The following VANGL1 variants were observed in gnomAD, a reference collection of about 807,000 sequenced individuals.
VANGL1 encodes the protein VANGL planar cell polarity protein 1.
In VANGL1, 18 loss-of-function variants were observed where a neutral mutation model predicts 48.4. The observed-to-expected ratio is 0.37, with a 90% CI of 0.26 to 0.55. The LOEUF is 0.55. VANGL1 is among the 20% of genes least tolerant of loss of function. The probability of loss-of-function intolerance (pLI) is 0.81; values close to 1 mark genes in which losing one functional copy is unlikely to be tolerated. For missense variants in VANGL1, 667 were observed against 675.8 expected (o/e 0.99, Z 0.14); for synonymous variants, 257 against 261.8 (o/e 0.98, Z 0.18).
chr1:115,657,961 C>T (rs187379954), intron 2 of VANGL1, among the ~76,000 whole-genome samples: 4 of 152,182 alleles, frequency 2.6e-5, no homozygotes, highest in African/African-American at 7.2e-5. Flanking sequence ...CCCAAGAACT[C>T]ACTCACTATC....
chr1:115,661,765 G>A (rs1403486611), intron 3 of VANGL1, among the ~76,000 whole-genome samples: 1 of 151,890 alleles, frequency 6.6e-6, no homozygotes, highest in African/African-American at 2.4e-5. Context: ...TTACAGGCAC[G>A]CACCACCACG....
At position 115,696,861 on chromosome 1, in the gene VANGL1, A is replaced by G. The variant is rs1654050464; in HGVS notation, c.*5482A>G. The G allele has an allele frequency of 6.6e-6, 1 of 152,220 alleles. No individual in the cohort carries two copies. The highest frequency in any genetic ancestry group is 6.5e-5 in the Admixed American group (1 of 15,286). The allele number at this position is 152,220 out of a possible 1,614,324, so 9.4% of individuals were successfully genotyped here. On this transcript the variant is annotated 3_prime_UTR_variant, in exon 8 of 8. Transcript: ENST00000355485. ...AACATCAGCGTTTTGTCCTTGTCAT[A>G]GTGGAAGAAAGACACTTACTTTAAG...
chr1:115,664,072 G>T lies in VANGL1; in HGVS notation c.616G>T (p.Val206Phe). 1 of 1,614,104 alleles carries T rather than the reference G, an allele frequency of 6.2e-7. No individual in the cohort carries two copies. The highest frequency in any genetic ancestry group is 8.5e-7 in the Non-Finnish European group (1 of 1,180,026). ...FVVSYWLFYG[V>F]RILDSRDRNY... ...GGTTTCCTATTGGCTTTTTTACGGG[G>T]TCCGCATTTTGGACTCTCGGGACCG... The change falls in exon 4 of 8, where the codon GTC (valine) becomes TTC (phenylalanine). Residue 206 changes from valine to phenylalanine, a missense_variant. Physicochemically the swap from Val to Phe is conservative, Grantham distance 50. Coordinates refer to ENST00000355485, the MANE Select transcript of VANGL1 (RefSeq NM_138959.3).
rs188166372 is a variant in VANGL1, at chr1:115,684,294, A to G, written c.1079+218A>G. 5.6e-3 allele frequency among the ~76,000 whole-genome samples: 855 copies of G among 151,752 alleles called. 6 individuals are homozygous for G. The highest frequency in any genetic ancestry group is 6.7e-3 in the Non-Finnish European group (456 of 67,938). On this transcript the variant is annotated intron_variant, in intron 6 of 7. Coordinates refer to ENST00000355485, the MANE Select transcript of VANGL1 (RefSeq NM_138959.3). ...GCTGCGATCACAGGCGCCCACCACCACGCCCGGCTAATATTTGGTATTTTT... is the reference window on the plus strand; with the variant it reads ...GCTGCGATCACAGGCGCCCACCACCGCGCCCGGCTAATATTTGGTATTTTT...
intron 1 of VANGL1, among the ~76,000 whole-genome samples, chr1:115,645,626 G>C (rs1365565160): frequency 1.3e-5 from 2 of 152,164 alleles, no homozygotes; most frequent in Non-Finnish European, 2.9e-5. Flanking sequence ...TAGAAGAATA[G>C]TTGACTCTAA....
chr1:115,649,640 C>T (rs971261633), intron 1 of VANGL1, among the ~76,000 whole-genome samples: 2 of 152,210 alleles, frequency 1.3e-5, no homozygotes, highest in African/African-American at 4.8e-5. Flanking sequence ...TTGGTCTTCA[C>T]GGCAACCCTG....
chr1:115,653,719 A>G lies in VANGL1; in HGVS notation c.71+2235A>G, dbSNP rs565186688. 1.2e-4 allele frequency among the ~76,000 whole-genome samples: 19 copies of G among 152,342 alleles called. No homozygotes were observed. The South Asian group carries it at 3.9e-3, about 32-fold the overall frequency. ...GTAACTTTAAGAGACTGTAACTTCCAATTAAAACAACACGCAGAATTTTTA... is the reference window on the plus strand; with the variant it reads ...GTAACTTTAAGAGACTGTAACTTCCGATTAAAACAACACGCAGAATTTTTA... On this transcript the variant is annotated intron_variant, in intron 2 of 7. Coordinates refer to ENST00000355485, the MANE Select transcript of VANGL1 (RefSeq NM_138959.3).
chr1:115,684,127 AT>A (rs1203530733), intron 6 of VANGL1, 51 bp downstream of exon 6: 3 of 1,396,514 alleles, frequency 2.1e-6, no homozygotes, highest in South Asian at 1.4e-5. Context: ...TTAAATTTTT[AT>A]TTTATTTATT....
At chr1:115,689,999 A>G (rs1283678925) in intron 7 of VANGL1, among the ~76,000 whole-genome samples, 1 of 138,976 alleles carries the variant, frequency 7.2e-6, no homozygotes, top group African/African-American at 2.7e-5. Flanking sequence ...GACCTGATTG[A>G]TATATCCCAG....
intron 7 of VANGL1, among the ~76,000 whole-genome samples, chr1:115,686,264 A>G (rs1200647272): frequency 1.3e-5 from 2 of 149,902 alleles, no homozygotes; most frequent in East Asian, 2.0e-4. Context: ...AAATAGCTCT[A>G]TTTATTGGTA....
intron 1 of VANGL1, among the ~76,000 whole-genome samples, chr1:115,645,649 C>T (rs1386211419): frequency 6.6e-6 from 1 of 152,128 alleles, no homozygotes; most frequent in Non-Finnish European, 1.5e-5. Context: ...AAAATTATTT[C>T]AATTGTCACT....
chr1:115,694,902 T>C lies in VANGL1; in HGVS notation c.*3523T>C, dbSNP rs1376293014. ...GTGTATATAGCTGAGTGTGTGAGGG[T>C]GTCTGTGTTTCTGCAGTCCCCTGTG... On this transcript the variant is annotated 3_prime_UTR_variant, in exon 8 of 8. Transcript: ENST00000355485. 2.0e-5 allele frequency: 3 copies of C among 152,146 alleles called. No homozygotes were observed. Among genetic ancestry groups the C allele is most frequent in the Non-Finnish European group, 4.4e-5 (3 of 68,044 alleles). 9.4% of individuals were successfully genotyped at this position (152,146 alleles called of 1,614,324 possible).
chr1:115,677,025 G>C (rs557447385), intron 4 of VANGL1, among the ~76,000 whole-genome samples: 1 of 152,374 alleles, frequency 6.6e-6, no homozygotes, highest in African/African-American at 2.4e-5. Context: ...TCTGGGGCCA[G>C]AGTCTGCACC....
At position 115,663,666 on chromosome 1, in the gene VANGL1, C is replaced by T. The variant is rs1350727101; in HGVS notation, c.210C>T (p.Asp70=). 2 of 1,614,154 alleles carry T rather than the reference C, an allele frequency of 1.2e-6. No homozygotes were observed. Among genetic ancestry groups the T allele is most frequent in the Non-Finnish European group, 1.7e-6 (2 of 1,180,030 alleles). ...CACTGTCTTCTCCCCACCAGGATGA[C>T]AACTGGGGAGAGACCACCACGGCCA... ...DSTRTEEVQD[D]NWGETTTAIT... The change falls in exon 4 of 8, where the codon GAC becomes GAT. Residue 70 remains aspartate (D), a synonymous_variant. Transcript: ENST00000355485.
intron 2 of VANGL1, among the ~76,000 whole-genome samples, chr1:115,655,879 T>C (rs1207170409): frequency 1.3e-5 from 2 of 152,234 alleles, no homozygotes; most frequent in Non-Finnish European, 2.9e-5. Flanking sequence ...TGACCCGCAG[T>C]TCTGCAGACT....
chr1:115,672,174 C>T (rs1267428871), intron 4 of VANGL1, among the ~76,000 whole-genome samples: 2 of 152,178 alleles, frequency 1.3e-5, no homozygotes, highest in East Asian at 3.8e-4. Context: ...GTCCTGCACA[C>T]TGCACTTTGG....
In VANGL1 at chr1:115,650,626, C is replaced by A. The variant is rs547172505; in HGVS notation, c.-137-651C>A. Among the ~76,000 whole-genome samples the A allele has an allele frequency of 1.4e-4, 21 of 152,096 alleles. No homozygotes were observed. The South Asian group carries it at 4.4e-3, about 32-fold the overall frequency. On this transcript the variant is annotated intron_variant, in intron 1 of 7. Coordinates refer to ENST00000355485, the MANE Select transcript of VANGL1 (RefSeq NM_138959.3). ...ATTCATCATTATAAGAGTTTCTATT[C>A]TTTATAATGATCATTTTAAACATAT...
rs1653921083 is a variant in VANGL1, at chr1:115,693,418, C to T, written c.*2039C>T. 6.6e-6 allele frequency: 1 copy of T among 152,630 alleles called. No homozygotes were observed. The highest frequency in any genetic ancestry group is 2.4e-5 in the African/African-American group (1 of 41,458). The allele number at this position is 152,630 out of a possible 1,614,324, so 9.5% of individuals were successfully genotyped here. On this transcript the variant is annotated 3_prime_UTR_variant, in exon 8 of 8. Coordinates refer to ENST00000355485, the MANE Select transcript of VANGL1 (RefSeq NM_138959.3). The stretch of plus-strand genomic sequence containing the variant: ...TTCATCACCATTCTAAAATACTGTT[C>T]TTCCAACCCTATCTTCAATGACCAG...
At chr1:115,660,910 G>T (rs1011954196) in intron 3 of VANGL1, among the ~76,000 whole-genome samples, 2 of 152,176 alleles carry the variant, frequency 1.3e-5, no homozygotes, top group Admixed American at 6.5e-5. Flanking sequence ...GATGGCTGAT[G>T]GTCGGATGGG....
Sources: gnomAD v4.1 joint callset for allele counts (sites outside exome capture counted in the v4.1 genomes callset) on GRCh38, gnomAD v4.1.1 for gene constraint, MANE v1.5 for transcripts, NCBI Gene and HGNC (gene_info 2026-07-23, HGNC 2026-07-21) for gene names.